Variants in FAM193A observed in about 807,000 individuals in gnomAD.
FAM193A encodes family with sequence similarity 193 member A, also known as protein FAM193A.
FAM193A carries 22 observed loss-of-function variants against 126.5 expected under a neutral mutation model. The observed-to-expected ratio is 0.17, with a 90% CI of 0.12 to 0.25. The LOEUF (loss-of-function observed/expected upper bound fraction) is 0.25. Ranked by LOEUF, FAM193A falls within the 10% of genes least tolerant of loss-of-function variation. The pLI is 1.00. For missense variants in FAM193A, 1,675 were observed against 1,672.8 expected, an observed-to-expected ratio of 1.00 and a Z score of -0.02; for synonymous variants, 761 against 646.8, an observed-to-expected ratio of 1.18 and a Z score of -2.68.
intron 6 of FAM193A, among the ~76,000 whole-genome samples, chr4:2,645,034 ATGTGTGTGTG>A (rs3221482): frequency 2.7e-5 from 4 of 149,378 alleles, no homozygotes; most frequent in Non-Finnish European, 4.5e-5. Flanking sequence ...ATATACATGA[ATGTGTGTGTG>A]TGTGTGTGTG....
chr4:2,598,671 G>A (rs1442237696), intron 2 of FAM193A, among the ~76,000 whole-genome samples: 2 of 152,174 alleles, frequency 1.3e-5, no homozygotes, highest in African/African-American at 2.4e-5. Flanking sequence ...CTCTTGTTCT[G>A]TTTGGTCAAA....
At chr4:2,567,357 T>C (rs887343065) in intron 1 of FAM193A, among the ~76,000 whole-genome samples, 1 of 152,320 alleles carries the variant, frequency 6.6e-6, no homozygotes, top group East Asian at 1.9e-4. Context: ...GCCAATGATA[T>C]ACTTCTACTT....
At position 2,700,378 on chromosome 4, in the gene FAM193A, G is replaced by A. The variant is rs1311215768; in HGVS notation, c.4206G>A (p.Gln1402=). 6.2e-7 allele frequency: 1 copy of A among 1,614,144 alleles called. No homozygotes were observed. Residue 1402 remains glutamine, a synonymous_variant, in exon 19 of 21, where the codon CAG becomes CAA. Transcript: ENST00000637812. ...KVNSNNNNKK[Q]LNHIKDEKSN... is the part of the protein sequence containing the mutation. ...ACAGTAATAACAATAACAAAAAGCA[G>A]CTGAACCACATCAAGGACGAAAAGT...
chr4:2,557,018 C>T (rs1578590084), intron 1 of FAM193A, among the ~76,000 whole-genome samples: 1 of 152,140 alleles, frequency 6.6e-6, no homozygotes, highest in East Asian at 1.9e-4. Flanking sequence ...CATCCCAAGA[C>T]CCCTACTGGA....
In FAM193A at chr4:2,626,530, C is replaced by T. The variant is rs769213059; in HGVS notation, c.756C>T (p.Asp252=). 2 of 702,144 alleles carry T rather than the reference C, an allele frequency of 2.8e-6. No homozygotes were observed. The highest frequency in any genetic ancestry group is 5.2e-6 in the Non-Finnish European group (2 of 384,926). The allele number at this position is 702,144 out of a possible 1,614,324, so 43.5% of individuals were successfully genotyped here. Residue 252 remains aspartate (D), a synonymous_variant, in exon 4 of 21, where the codon GAC becomes GAT. Coordinates refer to ENST00000637812, the MANE Select transcript of FAM193A (RefSeq NM_001366318.2). The part of the protein sequence containing the change: ...QAGTPLADDQ[D]QSLVPDKEGV... ...GAACCCCGCTGGCAGATGACCAGGA[C>T]CAGTCTCTGGTGCCTGACAAGGAGG...
chr4:2,546,175 A>G (rs1190316145), intron 1 of FAM193A, among the ~76,000 whole-genome samples: 1 of 150,120 alleles, frequency 6.7e-6, no homozygotes, highest in Non-Finnish European at 1.5e-5. Flanking sequence ...TTTTTTTTGT[A>G]AAGATGGGGT....
intron 2 of FAM193A, among the ~76,000 whole-genome samples, chr4:2,619,192 C>T (rs749765521): frequency 2.6e-4 from 40 of 152,246 alleles, no homozygotes; most frequent in African/African-American, 7.2e-5. Flanking sequence ...CTCTTCCCAT[C>T]GTGTTTATTT....
chr4:2,628,522 G>A (rs1001266551), intron 4 of FAM193A, among the ~76,000 whole-genome samples: 9 of 151,964 alleles, frequency 5.9e-5, no homozygotes, highest in Non-Finnish European at 8.8e-5. Context: ...TTGTGGTCCC[G>A]GTTGCTTGGG....
chr4:2,659,872 C>G lies in FAM193A; in HGVS notation c.1563C>G (p.Pro521=). The G allele has an allele frequency of 6.2e-7, 1 of 1,614,062 alleles. No individual in the cohort carries two copies. Among genetic ancestry groups the G allele is most frequent in the Non-Finnish European group, 8.5e-7 (1 of 1,179,930 alleles). ...HILTCGIMDP[P]VTDDIHIHQL... The stretch of plus-strand genomic sequence containing the variant: ...TCACGTGTGGTATCATGGACCCCCC[C>G]GTCACTGATGACATCCACATTCACC... The change falls in exon 10 of 21, where the codon CCC becomes CCG. Residue 521 remains proline (P), a synonymous_variant. Coordinates refer to ENST00000637812, the MANE Select transcript of FAM193A (RefSeq NM_001366318.2).
At chr4:2,685,769 G>C (rs1715665284) in intron 13 of FAM193A, among the ~76,000 whole-genome samples, 1 of 152,202 alleles carries the variant, frequency 6.6e-6, no homozygotes, top group Non-Finnish European at 1.5e-5. Context: ...AGTGGGTGTG[G>C]GTGGTAGAGG....
chr4:2,617,926 C>G (rs1469499904), intron 2 of FAM193A, among the ~76,000 whole-genome samples: 4 of 151,292 alleles, frequency 2.6e-5, no homozygotes, highest in African/African-American at 9.7e-5. Flanking sequence ...TCCACATTTT[C>G]ATTTGGTATT....
intron 1 of FAM193A, among the ~76,000 whole-genome samples, chr4:2,593,867 C>CTT (rs370535103): frequency 1.4e-5 from 2 of 140,694 alleles, no homozygotes; most frequent in African/African-American, 5.2e-5. Flanking sequence ...ATCAGTGTGC[C>CTT]TTTTTTTTTT....
At chr4:2,655,765 C>T (rs1711599821) in intron 7 of FAM193A, among the ~76,000 whole-genome samples, 1 of 151,778 alleles carries the variant, frequency 6.6e-6, no homozygotes. Context: ...AACCCCATCT[C>T]TACAAGGAAA....
intron 13 of FAM193A, among the ~76,000 whole-genome samples, chr4:2,681,972 GTTT>G (rs1179426155): frequency 1.5e-5 from 2 of 129,204 alleles, no homozygotes; most frequent in African/African-American, 5.7e-5. Context: ...ACTTCTCAGG[GTTT>G]TTTTTTTTTT....
At chr4:2,710,095 T>C (rs1718740995) in intron 19 of FAM193A, among the ~76,000 whole-genome samples, 1 of 152,016 alleles carries the variant, frequency 6.6e-6, no homozygotes, top group African/African-American at 2.4e-5. Flanking sequence ...AAGTTAATAG[T>C]TTATGTATTT....
intron 12 of FAM193A, 29 bp downstream of exon 12, chr4:2,663,317 G>T: frequency 6.6e-7 from 1 of 1,519,294 alleles, no homozygotes; most frequent in South Asian, 1.3e-5. Context: ...TTTTGCCAAG[G>T]ATCTCTTTTT....
chr4:2,699,098 A>G (rs955556322), intron 18 of FAM193A, among the ~76,000 whole-genome samples: 3 of 152,138 alleles, frequency 2.0e-5, no homozygotes, highest in African/African-American at 2.4e-5. Flanking sequence ...GGGTTTTGCC[A>G]TGTTGCCCAG....
At chr4:2,584,029 G>A (rs1307681474) in intron 1 of FAM193A, among the ~76,000 whole-genome samples, 2 of 152,048 alleles carry the variant, frequency 1.3e-5, no homozygotes, top group African/African-American at 2.4e-5. Context: ...AGAGATCTTT[G>A]TCTACTCCAA....
chr4:2,612,392 G>C (rs1221361188), intron 2 of FAM193A, among the ~76,000 whole-genome samples: 5 of 151,822 alleles, frequency 3.3e-5, no homozygotes, highest in South Asian at 2.1e-4. Context: ...CTAGCTACTC[G>C]GGAGGCTGAG....
Sources: allele counts gnomAD v4.1 joint callset (sites outside exome capture counted in the v4.1 genomes callset), GRCh38; gene constraint gnomAD v4.1.1; transcripts MANE v1.5; gene names NCBI Gene and HGNC (gene_info 2026-07-23, HGNC 2026-07-21).